NEGR1: variants seen among roughly 807,000 people sequenced by gnomAD.
The protein encoded by NEGR1 is IgLON family member 4.
A neutral mutation model predicts 40.9 loss-of-function variants in NEGR1; 10 were observed. That is an observed-to-expected ratio of 0.24 (90% CI 0.15 to 0.42). NEGR1 has a LOEUF of 0.42. NEGR1 is among the 10% of genes least tolerant of loss of function. NEGR1 has a pLI of 1.00. For synonymous variants in NEGR1, 185 were observed against 166.8 expected, an observed-to-expected ratio of 1.11 and a Z score of -0.84; for missense variants, 352 against 438.9, an observed-to-expected ratio of 0.80 and a Z score of 1.77.
intron 2 of NEGR1, among the ~76,000 whole-genome samples, chr1:71,791,691 G>A (rs138256202): frequency 1.3e-4 from 20 of 152,064 alleles, no homozygotes; most frequent in Non-Finnish European, 4.4e-5. Context: ...AGTTAAGAGA[G>A]AAAATGAGAA....
chr1:71,996,603 C>T (rs1646506469), intron 1 of NEGR1, among the ~76,000 whole-genome samples: 1 of 152,084 alleles, frequency 6.6e-6, no homozygotes, highest in South Asian at 2.1e-4. Flanking sequence ...AGGGAGCTCT[C>T]TTCGCTGTCA....
At chr1:71,604,292 G>T (rs1323745571) in intron 5 of NEGR1, among the ~76,000 whole-genome samples, 1 of 152,008 alleles carries the variant, frequency 6.6e-6, no homozygotes. Flanking sequence ...ATCATAATCT[G>T]CTATGCAAAT....
At chr1:72,162,154 A>AT (rs1025944379) in intron 1 of NEGR1, among the ~76,000 whole-genome samples, 2 of 152,084 alleles carry the variant, frequency 1.3e-5, no homozygotes, top group Non-Finnish European at 2.9e-5. Flanking sequence ...AGAAAATGAC[A>AT]TAAAAACAAC....
chr1:71,672,511 A>AT (rs1478712780), intron 4 of NEGR1, among the ~76,000 whole-genome samples: 5 of 152,200 alleles, frequency 3.3e-5, no homozygotes, highest in Non-Finnish European at 7.3e-5. Context: ...TCCTTAATAA[A>AT]TATTTGTTAA....
At chr1:72,238,631 G>A (rs1427497999) in intron 1 of NEGR1, among the ~76,000 whole-genome samples, 1 of 151,788 alleles carries the variant, frequency 6.6e-6, no homozygotes, top group Non-Finnish European at 1.5e-5. Flanking sequence ...TGGAAATCTA[G>A]CAAGGTGACT....
intron 6 of NEGR1, among the ~76,000 whole-genome samples, chr1:71,507,078 G>A (rs575142946): frequency 2.6e-5 from 4 of 152,306 alleles, no homozygotes; most frequent in African/African-American, 7.2e-5. Flanking sequence ...TGGAGAACTG[G>A]TCAAACAGGT....
intron 2 of NEGR1, among the ~76,000 whole-genome samples, chr1:71,827,051 G>A: frequency 6.6e-6 from 1 of 151,876 alleles, no homozygotes; most frequent in South Asian, 2.1e-4. Flanking sequence ...AAGAGCAGTT[G>A]CCACTATTGG....
intron 1 of NEGR1, among the ~76,000 whole-genome samples, chr1:72,047,843 A>G (rs957341947): frequency 6.6e-6 from 1 of 151,594 alleles, no homozygotes; most frequent in Admixed American, 6.6e-5. Context: ...TTTACTACAC[A>G]TTGGTAGACA....
At chr1:72,217,481 A>G (rs1203782358) in intron 1 of NEGR1, among the ~76,000 whole-genome samples, 2 of 151,848 alleles carry the variant, frequency 1.3e-5, no homozygotes, top group African/African-American at 4.8e-5. Context: ...TAATGCCAAT[A>G]TGATTTCTTC....
intron 1 of NEGR1, among the ~76,000 whole-genome samples, chr1:72,235,483 T>C (rs1654517766): frequency 6.6e-6 from 1 of 152,042 alleles, no homozygotes; most frequent in Non-Finnish European, 1.5e-5. Flanking sequence ...AGCAAGGGGA[T>C]ATGAAATTAA....
At chr1:71,825,628 G>A (rs1236610221) in intron 2 of NEGR1, among the ~76,000 whole-genome samples, 2 of 151,782 alleles carry the variant, frequency 1.3e-5, no homozygotes, top group Non-Finnish European at 2.9e-5. Flanking sequence ...GGAATTTTGT[G>A]CAAGGTGTGG....
chr1:72,138,620 G>A (rs897052073), intron 1 of NEGR1, among the ~76,000 whole-genome samples: 3 of 151,862 alleles, frequency 2.0e-5, no homozygotes, highest in Admixed American at 1.3e-4. Flanking sequence ...GAAAAACTGA[G>A]ATAAAAAAGG....
At chr1:71,941,390 A>G (rs925064554) in intron 1 of NEGR1, among the ~76,000 whole-genome samples, 3 of 152,292 alleles carry the variant, frequency 2.0e-5, no homozygotes, top group East Asian at 1.9e-4. Flanking sequence ...TGATTCCTAG[A>G]TAATATGTAT....
chr1:71,917,187 C>T (rs963329696), intron 2 of NEGR1, among the ~76,000 whole-genome samples: 1 of 152,168 alleles, frequency 6.6e-6, no homozygotes, highest in Non-Finnish European at 1.5e-5. Flanking sequence ...AAATATTGCA[C>T]TGGGATAAGG....
intron 5 of NEGR1, among the ~76,000 whole-genome samples, chr1:71,596,055 A>T (rs1649700829): frequency 6.6e-6 from 1 of 151,996 alleles, no homozygotes; most frequent in Non-Finnish European, 1.5e-5. Flanking sequence ...AAAAAAAAAA[A>T]AAAAAAAAAG....
chr1:71,484,199 C>T (rs965940643), intron 6 of NEGR1, among the ~76,000 whole-genome samples: 1 of 151,596 alleles, frequency 6.6e-6, no homozygotes, highest in Non-Finnish European at 1.5e-5. Flanking sequence ...ATGGTGATTT[C>T]GAACACTCTA....
At chr1:72,125,987 G>T in intron 1 of NEGR1, among the ~76,000 whole-genome samples, 1 of 151,870 alleles carries the variant, frequency 6.6e-6, no homozygotes, top group East Asian at 1.9e-4. Context: ...AATAATTCTG[G>T]TTTGCGAATA....
At chr1:71,581,042 T>G (rs1344043361) in intron 6 of NEGR1, among the ~76,000 whole-genome samples, 1 of 152,218 alleles carries the variant, frequency 6.6e-6, no homozygotes, top group Non-Finnish European at 1.5e-5. Context: ...GCAATAGCTA[T>G]TCAAACCTCA....
At position 71,555,911 on chromosome 1, in the gene NEGR1, A is replaced by AT. The variant is rs1156838636; in HGVS notation, c.940+36905dup. 7.0e-4 allele frequency among the ~76,000 whole-genome samples: 106 copies of AT among 151,560 alleles called. 1 individual carries two copies. The highest frequency in any genetic ancestry group is 2.5e-3 in the African/African-American group (105 of 41,404). On this transcript the variant is annotated intron_variant, in intron 6 of 6. Transcript: ENST00000357731. ...AGACGTACTTGAGAATTTCCTCCAGATTTTTCTCAGGTTTCTGTTTGGTAA... is the reference window on the plus strand; with the variant it reads ...AGACGTACTTGAGAATTTCCTCCAGATTTTTTCTCAGGTTTCTGTTTGGTAA...
Sources: allele counts gnomAD v4.1 joint callset (sites outside exome capture counted in the v4.1 genomes callset), GRCh38; gene constraint gnomAD v4.1.1; transcripts MANE v1.5; gene names NCBI Gene and HGNC (gene_info 2026-07-23, HGNC 2026-07-21).